Variants in SCAP observed in about 807,000 individuals in gnomAD.
The protein encoded by SCAP is SREBF chaperone, also known as sterol regulatory element-binding protein cleavage-activating protein.
In SCAP, 65 loss-of-function variants were observed where a neutral mutation model predicts 123.6. The ratio of observed to expected loss-of-function variants is 0.53; its 90% CI spans 0.43 to 0.65. The LOEUF (loss-of-function observed/expected upper bound fraction) is 0.65, where lower values mean the gene tolerates loss of function less well. SCAP is among the 30% of genes least tolerant of loss of function. The probability of loss-of-function intolerance (pLI) is 0.00; values close to 1 mark genes in which losing one functional copy is unlikely to be tolerated. For missense variants in SCAP, 1,398 were observed against 1,712.5 expected (o/e 0.82, Z 3.24); for synonymous variants, 740 against 726.3 (o/e 1.02, Z -0.30).
At chr3:47,449,451 G>A (rs1707168626) in intron 1 of SCAP, among the ~76,000 whole-genome samples, 1 of 124,378 alleles carries the variant, frequency 8.0e-6, no homozygotes, top group African/African-American at 2.8e-5. Flanking sequence ...ATGCTCCTGG[G>A]ACCACAGTCC....
At chr3:47,456,146 C>T (rs183479712) in intron 1 of SCAP, among the ~76,000 whole-genome samples, 1 of 152,252 alleles carries the variant, frequency 6.6e-6, no homozygotes, top group East Asian at 1.9e-4. Flanking sequence ...CTCAGGCCTA[C>T]AATCCCAGCA....
At chr3:47,431,121 C>G (rs1706337645) in intron 3 of SCAP, among the ~76,000 whole-genome samples, 2 of 151,136 alleles carry the variant, frequency 1.3e-5, no homozygotes, top group Non-Finnish European at 2.9e-5. Context: ...CTGGGAGGCA[C>G]AGAGGCACCT....
chr3:47,462,987 T>A (rs1004549536), intron 1 of SCAP, among the ~76,000 whole-genome samples: 2 of 152,056 alleles, frequency 1.3e-5, no homozygotes, highest in African/African-American at 4.8e-5. Context: ...GTCTCTTACA[T>A]ACACACCTCT....
intron 1 of SCAP, among the ~76,000 whole-genome samples, chr3:47,471,873 G>A (rs1473457908): frequency 6.6e-6 from 1 of 151,994 alleles, no homozygotes; most frequent in Non-Finnish European, 1.5e-5. Context: ...TATTATGGTG[G>A]TTCATGCCTG....
At chr3:47,424,521 TG>T (rs1171104705) in intron 8 of SCAP, among the ~76,000 whole-genome samples, 10 of 152,240 alleles carry the variant, frequency 6.6e-5, no homozygotes, top group African/African-American at 2.2e-4. Context: ...GAAGAACGAC[TG>T]TTCCTACACA....
chr3:47,455,338 T>C (rs1358981010), intron 1 of SCAP, among the ~76,000 whole-genome samples: 2 of 151,574 alleles, frequency 1.3e-5, no homozygotes, highest in Non-Finnish European at 2.9e-5. Context: ...CTCACGCCTG[T>C]AATCTCAGCA....
Position 47,420,578 on chromosome 3 carries a change from G to A in SCAP, c.1539C>T (p.Thr513=). Residue 513 remains threonine (T), a synonymous_variant, in exon 12 of 23, where the codon ACC becomes ACT. Transcript: ENST00000265565. This position sits in a 1 kb window ranked among gnomAD's most constrained non-coding sequence, Gnocchi z 5.0. ...CCATGATGAGGCGCTGTGCCAGGCGGGTGCGGGCCAGGAAGTAGACAACAC... is the reference window on the plus strand; with the variant it reads ...CCATGATGAGGCGCTGTGCCAGGCGAGTGCGGGCCAGGAAGTAGACAACAC... The part of the protein sequence containing the change: ...RLRVVYFLAR[T]RLAQRLIMAG... 1 of 1,608,196 alleles carries A rather than the reference G, an allele frequency of 6.2e-7. No homozygotes were observed.
chr3:47,448,508 G>A (rs1462275551), intron 1 of SCAP, among the ~76,000 whole-genome samples: 1 of 151,228 alleles, frequency 6.6e-6, no homozygotes, highest in Non-Finnish European at 1.5e-5. Context: ...AAACATAAAA[G>A]ATAAACTTTC....
At chr3:47,465,569 G>A (rs1301678915) in intron 1 of SCAP, among the ~76,000 whole-genome samples, 1 of 151,826 alleles carries the variant, frequency 6.6e-6, no homozygotes, top group Non-Finnish European at 1.5e-5. Context: ...GAGTCCTCAA[G>A]ACCAGCCTGG....
intron 20 of SCAP, 27 bp downstream of exon 20, chr3:47,414,800 G>A: frequency 6.3e-7 from 1 of 1,598,036 alleles, no homozygotes; most frequent in Non-Finnish European, 8.5e-7. Context: ...GGCCACTCCA[G>A]CACCCAAGAG....
rs547955801 is a variant in SCAP, at chr3:47,449,493, T to C, written c.-98-6402A>G. On this transcript the variant is annotated intron_variant, in intron 1 of 22. Coordinates refer to ENST00000265565, the MANE Select transcript of SCAP (RefSeq NM_012235.4). ...ATAGAAGACTTCCTCTCCTATCCAT[T>C]TGCCAATGTCACTGCTGTCTCCACC... Among the ~76,000 whole-genome samples the C allele has an allele frequency of 6.4e-5, 8 of 124,374 alleles. 2 individuals carry two copies. The South Asian group carries it at 2.4e-3, about 37-fold the overall frequency. The allele number at this position is 124,374 out of a possible 152,430, so 81.6% of individuals were successfully genotyped here.
intron 1 of SCAP, among the ~76,000 whole-genome samples, chr3:47,443,457 C>T (rs1706902116): frequency 6.6e-6 from 1 of 151,134 alleles, no homozygotes; most frequent in Admixed American, 6.6e-5. Flanking sequence ...AGGCATTCTT[C>T]CCCCCCCTCC....
chr3:47,444,691 T>G (rs976612992), intron 1 of SCAP, among the ~76,000 whole-genome samples: 3 of 151,974 alleles, frequency 2.0e-5, no homozygotes, highest in Admixed American at 6.6e-5. Flanking sequence ...TCCAGGCTGG[T>G]CTCAAACTCC....
chr3:47,472,119 C>T (rs1378979479), intron 1 of SCAP, among the ~76,000 whole-genome samples: 1 of 150,382 alleles, frequency 6.6e-6, no homozygotes, highest in African/African-American at 2.5e-5. Flanking sequence ...AGTGAGACTC[C>T]ATCTCAAAAA....
chr3:47,427,315 C>A (rs1158161358), intron 5 of SCAP, 53 bp from the exon 6 acceptor site: 19 of 1,537,486 alleles, frequency 1.2e-5, no homozygotes, highest in Non-Finnish European at 1.5e-5. Flanking sequence ...TACTGCAGAG[C>A]CACCAAGGAC....
At chr3:47,476,730 A>T (rs1708280574), upstream of SCAP, among the ~76,000 whole-genome samples, 1 of 152,072 alleles carries the variant, frequency 6.6e-6, no homozygotes, top group African/African-American at 2.4e-5. Context: ...GCCTCACAGA[A>T]GGGGAAGGGG....
intron 3 of SCAP, among the ~76,000 whole-genome samples, chr3:47,433,232 G>A (rs982661648): frequency 6.6e-6 from 1 of 152,030 alleles, no homozygotes; most frequent in Non-Finnish European, 1.5e-5. Context: ...CTTCAGTATC[G>A]CTGGCCTGTA....
intron 1 of SCAP, chr3:47,469,682 T>C (rs1163702175): frequency 3.6e-6 from 1 of 281,310 alleles, no homozygotes; most frequent in South Asian, 3.4e-5. Context: ...AAAAGTATAA[T>C]GAGAAGAGGC....
chr3:47,425,716 T>C, intron 7 of SCAP, 105 bp from the exon 8 acceptor site: 1 of 1,286,348 alleles, frequency 7.8e-7, no homozygotes, highest in Non-Finnish European at 1.1e-6. Context: ...GGAAAACTCC[T>C]GGTTTCACCA....
Sources: gnomAD v4.1 joint callset for allele counts (sites outside exome capture counted in the v4.1 genomes callset) on GRCh38, gnomAD v4.1.1 for gene constraint, Gnocchi (gnomAD v3.1) non-coding constraint, MANE v1.5 for transcripts, NCBI Gene and HGNC (gene_info 2026-07-23, HGNC 2026-07-21) for gene names.